Variants in PSMA1 observed in about 807,000 individuals in gnomAD.
The protein encoded by PSMA1 is proteasome subunit alpha type-1.
A neutral mutation model predicts 38.4 loss-of-function variants in PSMA1; 3 were observed. The ratio of observed to expected loss-of-function variants is 0.08; its 90% CI spans 0.04 to 0.20. The LOEUF (loss-of-function observed/expected upper bound fraction) is 0.20, where lower values mean the gene tolerates loss of function less well. Ranked by LOEUF, PSMA1 falls within the 10% of genes least tolerant of loss-of-function variation. The pLI is 1.00. For missense variants in PSMA1, 227 were observed against 325.3 expected, an observed-to-expected ratio of 0.70 and a Z score of 2.32; for synonymous variants, 101 against 107.1, an observed-to-expected ratio of 0.94 and a Z score of 0.35.
At chr11:14,510,088 C>T (rs924565369) in intron 8 of PSMA1, among the ~76,000 whole-genome samples, 1 of 152,140 alleles carries the variant, frequency 6.6e-6, no homozygotes, top group African/African-American at 2.4e-5. Context: ...CATGGTATTC[C>T]TCTGCTCAAA....
chr11:14,539,310 A>G (rs1241042533), intron 2 of PSMA1, among the ~76,000 whole-genome samples: 2 of 152,118 alleles, frequency 1.3e-5, no homozygotes, highest in Non-Finnish European at 2.9e-5. Context: ...AGTCACTGTT[A>G]TTTTTAATTA....
chr11:14,605,577 G>T (rs1852633356), intron 2 of PSMA1, among the ~76,000 whole-genome samples: 2 of 151,978 alleles, frequency 1.3e-5, no homozygotes, highest in South Asian at 2.1e-4. Context: ...TATAGAGACG[G>T]GGTCTCACTA....
intron 2 of PSMA1, among the ~76,000 whole-genome samples, chr11:14,600,101 G>T (rs979252299): frequency 6.6e-6 from 1 of 152,112 alleles, no homozygotes; most frequent in Admixed American, 6.5e-5. Context: ...TTGCTGTCTG[G>T]TCCTTCCTCT....
At chr11:14,615,509 CAG>C (rs1180781292) in intron 1 of PSMA1, among the ~76,000 whole-genome samples, 215 of 152,346 alleles carry the variant, frequency 1.4e-3, no homozygotes, top group Non-Finnish European at 2.9e-4. Flanking sequence ...TTACCTGAAA[CAG>C]AGTTCCTGTG....
At chr11:14,605,376 T>C (rs372303540) in intron 2 of PSMA1, among the ~76,000 whole-genome samples, 53 of 152,258 alleles carry the variant, frequency 3.5e-4, no homozygotes, top group African/African-American at 1.2e-3. Flanking sequence ...CATGTCTTTT[T>C]TGTCCATTAA....
intron 2 of PSMA1, among the ~76,000 whole-genome samples, chr11:14,592,220 G>A (rs1852425332): frequency 6.6e-6 from 1 of 151,950 alleles, no homozygotes; most frequent in South Asian, 2.1e-4. Flanking sequence ...GAGGGTCCGC[G>A]GCTTCATTCT....
chr11:14,590,453 A>G (rs556907325), intron 2 of PSMA1, among the ~76,000 whole-genome samples: 7 of 152,358 alleles, frequency 4.6e-5, no homozygotes, highest in African/African-American at 1.7e-4. Flanking sequence ...ATGAAAACCA[A>G]AAAAACAGAG....
At chr11:14,597,593 C>T (rs990191384) in intron 2 of PSMA1, among the ~76,000 whole-genome samples, 4 of 151,940 alleles carry the variant, frequency 2.6e-5, no homozygotes, top group African/African-American at 4.8e-5. Flanking sequence ...TGGTGATATC[C>T]CCTTTATCAT....
At chr11:14,609,512 G>A (rs1474219290) in intron 2 of PSMA1, among the ~76,000 whole-genome samples, 1 of 152,150 alleles carries the variant, frequency 6.6e-6, no homozygotes. Flanking sequence ...ATAAAAGAAT[G>A]GAGTTATGAG....
chr11:14,547,498 T>A (rs773206673), intron 2 of PSMA1, among the ~76,000 whole-genome samples: 6 of 152,180 alleles, frequency 3.9e-5, no homozygotes, highest in Non-Finnish European at 7.3e-5. Flanking sequence ...AGTTATAGAT[T>A]TCAGGGAAAG....
intron 2 of PSMA1, among the ~76,000 whole-genome samples, chr11:14,600,986 T>C (rs1852574196): frequency 6.6e-6 from 1 of 152,218 alleles, no homozygotes; most frequent in Admixed American, 6.5e-5. Context: ...AAACCAAATA[T>C]CTTGGAAGCA....
chr11:14,609,109 G>T (rs1234586728), intron 2 of PSMA1, among the ~76,000 whole-genome samples: 1 of 152,122 alleles, frequency 6.6e-6, no homozygotes, highest in Admixed American at 6.6e-5. Flanking sequence ...AAAGTCCAAA[G>T]AATTCCTAGA....
chr11:14,505,184 C>T lies in PSMA1; in HGVS notation c.*8G>A, dbSNP rs947111073. On this transcript the variant is annotated 3_prime_UTR_variant, in exon 10 of 10. Coordinates refer to ENST00000396394, the MANE Select transcript of PSMA1 (RefSeq NM_002786.4). ...ATTTGATAATACATATATAGACTGG[C>T]TTATCACTTAATGTTCCATTGGTTC... The T allele has an allele frequency of 1.9e-6, 3 of 1,607,684 alleles. No homozygotes were observed. Among genetic ancestry groups the T allele is most frequent in the Admixed American group, 3.3e-5 (2 of 59,996 alleles).
intron 1 of PSMA1, among the ~76,000 whole-genome samples, chr11:14,632,904 T>C (rs1394284680): frequency 6.6e-6 from 1 of 151,894 alleles, no homozygotes; most frequent in African/African-American, 2.4e-5. Context: ...CCATCGCTGA[T>C]ACCCTTTCTT....
chr11:14,600,552 G>A (rs1231767487), intron 2 of PSMA1, among the ~76,000 whole-genome samples: 1 of 152,228 alleles, frequency 6.6e-6, no homozygotes, highest in East Asian at 1.9e-4. Flanking sequence ...CGCCGAGCCA[G>A]GCACGGAAGA....
At chr11:14,552,156 A>G (rs955188412) in intron 2 of PSMA1, among the ~76,000 whole-genome samples, 2 of 152,198 alleles carry the variant, frequency 1.3e-5, no homozygotes, top group Admixed American at 1.3e-4. Flanking sequence ...GTGAGATGTC[A>G]GAGCACAGAA....
At chr11:14,549,437 C>T (rs1048094529) in intron 2 of PSMA1, among the ~76,000 whole-genome samples, 2 of 151,884 alleles carry the variant, frequency 1.3e-5, no homozygotes, top group African/African-American at 4.8e-5. Context: ...CGTGGTGGCT[C>T]ATGCCTGTAA....
At chr11:14,514,531 T>G in intron 4 of PSMA1, 40 bp from the exon 5 acceptor site, 1 of 1,390,564 alleles carries the variant, frequency 7.2e-7, no homozygotes, top group South Asian at 1.4e-5. Context: ...TTTCAAATTA[T>G]AGACAACTAT....
intron 1 of PSMA1, among the ~76,000 whole-genome samples, chr11:14,642,937 A>G: frequency 6.6e-6 from 1 of 152,160 alleles, no homozygotes; most frequent in East Asian, 1.9e-4. Flanking sequence ...GTGCTGTTAC[A>G]GTGAAAAAGC....
Sources: allele counts gnomAD v4.1 joint callset (sites outside exome capture counted in the v4.1 genomes callset), GRCh38; gene constraint gnomAD v4.1.1; transcripts MANE v1.5; gene names NCBI Gene and HGNC (gene_info 2026-07-23, HGNC 2026-07-21).